SLC24A3: variants seen among roughly 807,000 people sequenced by gnomAD.
SLC24A3 encodes solute carrier family 24 member 3.
A neutral mutation model predicts 75.8 loss-of-function variants in SLC24A3; 28 were observed. The observed-to-expected ratio is 0.37, with a 90% CI of 0.27 to 0.51. The LOEUF (loss-of-function observed/expected upper bound fraction) is 0.51, where lower values mean the gene tolerates loss of function less well. Ranked by LOEUF, SLC24A3 falls within the 20% of genes least tolerant of loss-of-function variation. The probability of loss-of-function intolerance (pLI) is 0.94; values close to 1 mark genes in which losing one functional copy is unlikely to be tolerated. For synonymous variants in SLC24A3, 372 were observed against 334.1 expected, an observed-to-expected ratio of 1.11 and a Z score of -1.24; for missense variants, 663 against 847.8, an observed-to-expected ratio of 0.78 and a Z score of 2.71.
intron 1 of SLC24A3, among the ~76,000 whole-genome samples, chr20:19,245,376 A>G (rs1041845158): frequency 6.6e-6 from 1 of 152,230 alleles, no homozygotes; most frequent in Non-Finnish European, 1.5e-5. Flanking sequence ...GAATATTTAT[A>G]TAAAAAGATA....
chr20:19,607,856 G>T (rs113000555), intron 6 of SLC24A3, among the ~76,000 whole-genome samples: 3 of 152,196 alleles, frequency 2.0e-5, no homozygotes, highest in East Asian at 1.9e-4. Flanking sequence ...TGCCTGAAAG[G>T]CCCCCTTTGC....
chr20:19,281,504 G>A (rs568594352), intron 2 of SLC24A3, among the ~76,000 whole-genome samples: 12 of 152,332 alleles, frequency 7.9e-5, no homozygotes, highest in East Asian at 3.9e-4. Context: ...GGGCCGGATC[G>A]TCACTCACGA....
intron 6 of SLC24A3, among the ~76,000 whole-genome samples, chr20:19,642,249 A>G (rs1462640225): frequency 6.6e-6 from 1 of 152,224 alleles, no homozygotes; most frequent in Admixed American, 6.5e-5. Context: ...GGAATGAGAT[A>G]AGATTCTATA....
At chr20:19,635,693 G>A (rs955823981) in intron 6 of SLC24A3, among the ~76,000 whole-genome samples, 1 of 152,184 alleles carries the variant, frequency 6.6e-6, no homozygotes, top group Admixed American at 6.5e-5. Context: ...CTGGATTGGG[G>A]TGACTCGAAG....
intron 6 of SLC24A3, among the ~76,000 whole-genome samples, chr20:19,603,875 A>G (rs1982059105): frequency 6.6e-6 from 1 of 152,150 alleles, no homozygotes; most frequent in African/African-American, 2.4e-5. Context: ...CAACTGAGCA[A>G]TGGTAGCCTC....
chr20:19,615,150 T>C (rs2031721279), intron 6 of SLC24A3, among the ~76,000 whole-genome samples: 1 of 152,030 alleles, frequency 6.6e-6, no homozygotes, highest in African/African-American at 2.4e-5. Context: ...ATGTTTTTGG[T>C]GGGGGAAGAG....
chr20:19,611,749 G>T (rs1191145910), intron 6 of SLC24A3, among the ~76,000 whole-genome samples: 1 of 152,130 alleles, frequency 6.6e-6, no homozygotes, highest in Admixed American at 6.5e-5. Context: ...AGGGTCTGTT[G>T]GTCCCACACC....
intron 6 of SLC24A3, among the ~76,000 whole-genome samples, chr20:19,614,641 A>C (rs2031713290): frequency 6.6e-6 from 1 of 152,238 alleles, no homozygotes; most frequent in Admixed American, 6.5e-5. Flanking sequence ...GCAGGTTCTT[A>C]TTAACCAAAG....
chr20:19,715,374 C>T (rs149794893), intron 15 of SLC24A3, among the ~76,000 whole-genome samples: 1,728 of 152,242 alleles, frequency 0.011, 40 homozygotes, highest in African/African-American at 0.04. Context: ...GCGACGGGGC[C>T]GATCTGCCAT....
At chr20:19,551,743 C>T (rs1015180489) in intron 3 of SLC24A3, among the ~76,000 whole-genome samples, 10 of 152,148 alleles carry the variant, frequency 6.6e-5, no homozygotes, top group African/African-American at 2.4e-4. Context: ...TCCTTTCTTC[C>T]CATAGGACAT....
At chr20:19,406,364 G>T (rs2122413669) in intron 2 of SLC24A3, among the ~76,000 whole-genome samples, 1 of 152,254 alleles carries the variant, frequency 6.6e-6, no homozygotes, top group South Asian at 2.1e-4. Flanking sequence ...AATTAGCAAA[G>T]TTTATTTAGA....
At position 19,351,112 on chromosome 20, in the gene SLC24A3, T is replaced by C. The variant is rs746530014; in HGVS notation, c.271+70025T>C. Among the ~76,000 whole-genome samples the C allele has an allele frequency of 3.9e-5, 6 of 152,192 alleles. No individual in the cohort carries two copies. The South Asian group carries it at 6.2e-4, about 16-fold the overall frequency. On this transcript the variant is annotated intron_variant, in intron 2 of 16. Transcript: ENST00000328041. ...GGTCCAGGCCCAGGGCTGGCCTCCATAGGGTCTCTTGGGAGGGTGATAGAG... is the reference window on the plus strand; with the variant it reads ...GGTCCAGGCCCAGGGCTGGCCTCCACAGGGTCTCTTGGGAGGGTGATAGAG...
intron 6 of SLC24A3, among the ~76,000 whole-genome samples, chr20:19,621,285 C>A (rs2031801195): frequency 6.6e-6 from 1 of 152,182 alleles, no homozygotes; most frequent in Non-Finnish European, 1.5e-5. Context: ...TGACTCAAAG[C>A]AGGCTCATTT....
intron 1 of SLC24A3, among the ~76,000 whole-genome samples, chr20:19,263,409 T>C (rs551906267): frequency 2.0e-5 from 3 of 152,322 alleles, no homozygotes; most frequent in African/African-American, 7.2e-5. Flanking sequence ...TAGATACCAG[T>C]GCTCCTTGTC....
chr20:19,285,553 T>A lies in SLC24A3; in HGVS notation c.271+4466T>A, dbSNP rs565464781. The stretch of plus-strand genomic sequence containing the variant: ...ACCTAGTTTTGGTAGAAATTTGTGA[T>A]TTTTTTTTTTTTTTCTACCTTCAGA... On this transcript the variant is annotated intron_variant, in intron 2 of 16. Coordinates refer to ENST00000328041, the MANE Select transcript of SLC24A3 (RefSeq NM_020689.4). 4.2e-4 allele frequency among the ~76,000 whole-genome samples: 21 copies of A among 50,478 alleles called. 1 individual carries two copies. In the South Asian group the frequency reaches 0.015, roughly 35 times the overall value. 33.1% of individuals were successfully genotyped at this position (50,478 alleles called of 152,430 possible). A position where few individuals can be genotyped will look rare whatever the true frequency, so the allele number is the denominator to read the frequency against.
At chr20:19,452,073 A>G (rs1394085565) in intron 2 of SLC24A3, among the ~76,000 whole-genome samples, 1 of 152,204 alleles carries the variant, frequency 6.6e-6, no homozygotes, top group African/African-American at 2.4e-5. Flanking sequence ...ATAATTCAAA[A>G]GAAGCCCAGC....
At chr20:19,569,652 G>C (rs2031018962) in intron 3 of SLC24A3, among the ~76,000 whole-genome samples, 1 of 152,128 alleles carries the variant, frequency 6.6e-6, no homozygotes, top group African/African-American at 2.4e-5. Flanking sequence ...CAGGAGGAGT[G>C]AGAGGCCCAG....
intron 3 of SLC24A3, among the ~76,000 whole-genome samples, chr20:19,554,401 C>T (rs796579750): frequency 7.2e-5 from 11 of 152,042 alleles, no homozygotes; most frequent in Admixed American, 2.0e-4. Context: ...GGCCTTACTC[C>T]GGAAGTGCTT....
At chr20:19,518,959 G>GCT (rs1396563058) in intron 3 of SLC24A3, among the ~76,000 whole-genome samples, 2 of 152,180 alleles carry the variant, frequency 1.3e-5, no homozygotes, top group Non-Finnish European at 2.9e-5. Context: ...GAAGATCTGG[G>GCT]ACTGCCTTAT....
Sources: gnomAD v4.1 joint callset for allele counts (sites outside exome capture counted in the v4.1 genomes callset) on GRCh38, gnomAD v4.1.1 for gene constraint, MANE v1.5 for transcripts, NCBI Gene and HGNC (gene_info 2026-07-23, HGNC 2026-07-21) for gene names.